The following CDH13 variants were observed in gnomAD, a reference collection of about 807,000 sequenced individuals.
CDH13 encodes cadherin-13.
CDH13 carries 24 observed loss-of-function variants against 63.8 expected under a neutral mutation model. The observed-to-expected ratio is 0.38, with a 90% confidence interval of 0.27 to 0.53. CDH13 has a LOEUF of 0.53. Ranked by LOEUF, CDH13 falls within the 20% of genes least tolerant of loss-of-function variation. The probability of loss-of-function intolerance (pLI) is 0.85; values close to 1 mark genes in which losing one functional copy is unlikely to be tolerated. For synonymous variants in CDH13, 503 were observed against 355.3 expected, an observed-to-expected ratio of 1.42 and a Z score of -4.67; for missense variants, 1,049 against 903.1, an observed-to-expected ratio of 1.16 and a Z score of -2.07.
intron 6 of CDH13, among the ~76,000 whole-genome samples, chr16:83,478,533 A>G (rs77940697): frequency 1.4e-4 from 22 of 152,312 alleles, no homozygotes; most frequent in African/African-American, 5.3e-4. Flanking sequence ...CCATATGAAA[A>G]TGTGGGAGGG....
At chr16:83,559,289 A>T (rs1310661653) in intron 7 of CDH13, among the ~76,000 whole-genome samples, 1 of 152,142 alleles carries the variant, frequency 6.6e-6, no homozygotes, top group Non-Finnish European at 1.5e-5. Context: ...GAAAAACTGA[A>T]GGCCAGACAT....
At chr16:83,520,775 G>A (rs1450914769) in intron 7 of CDH13, among the ~76,000 whole-genome samples, 1 of 152,056 alleles carries the variant, frequency 6.6e-6, no homozygotes, top group Non-Finnish European at 1.5e-5. Flanking sequence ...TTTTCAGCTG[G>A]CCGGGAAGAG....
intron 8 of CDH13, among the ~76,000 whole-genome samples, chr16:83,621,030 G>A (rs1039689130): frequency 1.3e-5 from 2 of 152,014 alleles, no homozygotes; most frequent in African/African-American, 2.4e-5. Flanking sequence ...TTATATGCAC[G>A]CCCTCGAGCC....
intron 4 of CDH13, among the ~76,000 whole-genome samples, chr16:83,182,291 C>G (rs1055962549): frequency 1.3e-5 from 2 of 152,184 alleles, no homozygotes; most frequent in Admixed American, 1.3e-4. Context: ...CCTCTGATGG[C>G]TCTGGTCTCC....
chr16:82,698,358 G>A (rs797019490), intron 1 of CDH13, among the ~76,000 whole-genome samples: 7 of 152,334 alleles, frequency 4.6e-5, no homozygotes, highest in African/African-American at 1.7e-4. Flanking sequence ...GGTACTCTCT[G>A]TAGATGGTGG....
chr16:83,011,380 A>G (rs1914136478), intron 2 of CDH13, among the ~76,000 whole-genome samples: 1 of 152,216 alleles, frequency 6.6e-6, no homozygotes, highest in African/African-American at 2.4e-5. Context: ...ACCAGACCTC[A>G]TGAGCACATT....
At chr16:83,102,446 G>A (rs2034526479) in intron 3 of CDH13, among the ~76,000 whole-genome samples, 1 of 152,208 alleles carries the variant, frequency 6.6e-6, no homozygotes, top group Non-Finnish European at 1.5e-5. Flanking sequence ...GGATGCCAGT[G>A]TGCCTGGACT....
At chr16:83,379,924 T>TAC (rs907832458) in intron 6 of CDH13, among the ~76,000 whole-genome samples, 1 of 84,130 alleles carries the variant, frequency 1.2e-5, no homozygotes, top group East Asian at 2.6e-4. Flanking sequence ...TGTGTGTATA[T>TAC]ATATATATAT....
At chr16:83,135,116 G>C (rs1326758405) in intron 4 of CDH13, among the ~76,000 whole-genome samples, 2 of 152,164 alleles carry the variant, frequency 1.3e-5, no homozygotes, top group African/African-American at 4.8e-5. Flanking sequence ...ATGAATGTCT[G>C]GATCTAAGCC....
At chr16:82,952,948 A>C (rs1203688451) in intron 2 of CDH13, among the ~76,000 whole-genome samples, 1 of 152,230 alleles carries the variant, frequency 6.6e-6, no homozygotes, top group Non-Finnish European at 1.5e-5. Flanking sequence ...AGGGTATAGA[A>C]GGGAGAGTAA....
At chr16:83,201,655 T>C (rs1242188339) in intron 4 of CDH13, among the ~76,000 whole-genome samples, 1 of 151,524 alleles carries the variant, frequency 6.6e-6, no homozygotes, top group Admixed American at 6.6e-5. Flanking sequence ...CCCAGCACTT[T>C]GGGAGGCTGA....
In CDH13 at chr16:82,649,597, T is replaced by C. The variant is rs112594356; in HGVS notation, c.45+22460T>C. On this transcript the variant is annotated intron_variant, in intron 1 of 13. Transcript: ENST00000567109. ...AGGACATGTTGGGGAACCTGTGAAATGGCTAGTCAGAGCATGGCATGTATG... is the reference window on the plus strand; with the variant it reads ...AGGACATGTTGGGGAACCTGTGAAACGGCTAGTCAGAGCATGGCATGTATG... Among the ~76,000 whole-genome samples the C allele has an allele frequency of 7.5e-3, 1,146 of 152,096 alleles. 10 individuals are homozygous for C. The highest frequency in any genetic ancestry group is 0.061 in the Middle Eastern group (18 of 294).
chr16:83,410,960 T>C (rs1326448131), intron 6 of CDH13, among the ~76,000 whole-genome samples: 2 of 152,210 alleles, frequency 1.3e-5, no homozygotes, highest in East Asian at 3.9e-4. Context: ...TTCCAGTCTT[T>C]GCCGAAATAC....
intron 2 of CDH13, among the ~76,000 whole-genome samples, chr16:82,958,632 A>T (rs1395605987): frequency 1.3e-5 from 2 of 152,232 alleles, no homozygotes; most frequent in Non-Finnish European, 2.9e-5. Context: ...TTAAACAGGC[A>T]TTAGATAGCC....
intron 1 of CDH13, among the ~76,000 whole-genome samples, chr16:82,770,931 C>G (rs1045508489): frequency 2.6e-5 from 4 of 152,158 alleles, no homozygotes; most frequent in African/African-American, 4.8e-5. Context: ...TGGTCTTGAA[C>G]TACTAAGCTC....
chr16:82,692,563 G>T (rs200322718), intron 1 of CDH13, among the ~76,000 whole-genome samples: 1 of 152,128 alleles, frequency 6.6e-6, no homozygotes, highest in Admixed American at 6.5e-5. Context: ...CCTCTCTCTT[G>T]TTCCTTCCAT....
chr16:83,175,862 C>A (rs996743738), intron 4 of CDH13, among the ~76,000 whole-genome samples: 4 of 105,196 alleles, frequency 3.8e-5, no homozygotes, highest in Admixed American at 1.3e-4. Context: ...GAGTTTCACT[C>A]TTATTGCCCA....
At chr16:83,095,868 ACT>A (rs2034168364) in intron 3 of CDH13, among the ~76,000 whole-genome samples, 1 of 152,222 alleles carries the variant, frequency 6.6e-6, no homozygotes. Flanking sequence ...AATAAAATGC[ACT>A]GAGAGAAGCC....
intron 4 of CDH13, among the ~76,000 whole-genome samples, chr16:83,140,738 A>C (rs548040852): frequency 1.2e-3 from 176 of 152,336 alleles, no homozygotes; most frequent in African/African-American, 4.2e-3. Context: ...TACAGGTGCG[A>C]GCCGCTGCAC....
Sources: gnomAD v4.1 joint callset for allele counts (sites outside exome capture counted in the v4.1 genomes callset) on GRCh38, gnomAD v4.1.1 for gene constraint, MANE v1.5 for transcripts, NCBI Gene and HGNC (gene_info 2026-07-23, HGNC 2026-07-21) for gene names.